TAFA1: variants seen among roughly 807,000 people sequenced by gnomAD.
The protein encoded by TAFA1 is TAFA chemokine like family member 1.
A neutral mutation model predicts 18.5 loss-of-function variants in TAFA1; 4 were observed. The observed-to-expected ratio is 0.22, with a 90% confidence interval of 0.11 to 0.49. The LOEUF (loss-of-function observed/expected upper bound fraction) is 0.49. TAFA1 is among the 20% of genes least tolerant of loss of function. The pLI, the probability that TAFA1 is intolerant of heterozygous loss-of-function variation, is 0.98. For synonymous variants in TAFA1, 56 were observed against 55.2 expected (o/e 1.01, Z -0.06); for missense variants, 147 against 169.0 (o/e 0.87, Z 0.72).
At chr3:68,186,454 G>A (rs2066273076) in intron 2 of TAFA1, among the ~76,000 whole-genome samples, 1 of 152,040 alleles carries the variant, frequency 6.6e-6, no homozygotes, top group Admixed American at 6.6e-5. Flanking sequence ...TGTAATAATA[G>A]ATCATTGAAT....
At chr3:68,524,986 T>G (rs2073086713) in intron 3 of TAFA1, among the ~76,000 whole-genome samples, 1 of 152,192 alleles carries the variant, frequency 6.6e-6, no homozygotes, top group Non-Finnish European at 1.5e-5. Context: ...TAGGTTTTAT[T>G]GTTGAACTTT....
intron 3 of TAFA1, among the ~76,000 whole-genome samples, chr3:68,478,346 C>T (rs139299006): frequency 1.3e-5 from 2 of 152,180 alleles, no homozygotes; most frequent in Admixed American, 1.3e-4. Context: ...AATGAGAGAT[C>T]TGGAAGACTT....
chr3:68,467,018 T>C (rs1215907834), intron 3 of TAFA1, among the ~76,000 whole-genome samples: 1 of 152,124 alleles, frequency 6.6e-6, no homozygotes, highest in Non-Finnish European at 1.5e-5. Context: ...ATTATTAATA[T>C]TCCTTACTGG....
intron 2 of TAFA1, among the ~76,000 whole-genome samples, chr3:68,160,172 G>T (rs1399774807): frequency 6.6e-6 from 1 of 152,196 alleles, no homozygotes; most frequent in African/African-American, 2.4e-5. Flanking sequence ...GAAGTAACTT[G>T]CCAGATAGCT....
chr3:68,192,517 T>C (rs759820685), intron 2 of TAFA1: 6 of 183,792 alleles, frequency 3.3e-5, no homozygotes, highest in Non-Finnish European at 6.1e-5. Flanking sequence ...GGAATCTGAA[T>C]TTGACAGGAG....
intron 3 of TAFA1, among the ~76,000 whole-genome samples, chr3:68,421,658 T>G (rs931256776): frequency 2.0e-5 from 3 of 152,106 alleles, no homozygotes; most frequent in African/African-American, 7.2e-5. Context: ...ATCTGTAAAA[T>G]AGGGATTATA....
intron 2 of TAFA1, among the ~76,000 whole-genome samples, chr3:68,196,638 CT>C (rs1299510457): frequency 1.3e-5 from 2 of 151,654 alleles, no homozygotes; most frequent in African/African-American, 4.8e-5. Context: ...CTCTATTTTT[CT>C]GTGTTATATT....
At chr3:68,418,556 A>C (rs1047672364) in intron 3 of TAFA1, among the ~76,000 whole-genome samples, 2 of 151,864 alleles carry the variant, frequency 1.3e-5, no homozygotes, top group African/African-American at 4.8e-5. Flanking sequence ...TTCTTTTGTG[A>C]TTCTTCAGTT....
At chr3:68,079,440 A>G (rs754538751) in intron 2 of TAFA1, among the ~76,000 whole-genome samples, 145 of 151,808 alleles carry the variant, frequency 9.6e-4, no homozygotes, top group African/African-American at 3.4e-3. Context: ...GCTTTCTCTT[A>G]TGGGCATTTA....
chr3:68,056,576 A>G (rs1006287885), intron 2 of TAFA1, among the ~76,000 whole-genome samples: 25 of 152,312 alleles, frequency 1.6e-4, no homozygotes, highest in African/African-American at 6.0e-4. Flanking sequence ...TAAAAGAAAC[A>G]TTATTAAGCC....
chr3:68,021,212 A>AAAG (rs151201268), intron 2 of TAFA1, among the ~76,000 whole-genome samples: 2 of 148,218 alleles, frequency 1.3e-5, no homozygotes, highest in Non-Finnish European at 3.0e-5. Context: ...AAAAAAAAAA[A>AAAG]GTAGTTTAGT....
rs1308830714 is a variant in TAFA1, at chr3:68,380,487, G to A, written c.119-36793G>A. 3.9e-5 allele frequency among the ~76,000 whole-genome samples: 6 copies of A among 152,278 alleles called. 1 individual carries two copies. In the South Asian group the frequency reaches 1.0e-3, roughly 26 times the overall value. On this transcript the variant is annotated intron_variant, in intron 2 of 4. Coordinates refer to ENST00000478136, the MANE Select transcript of TAFA1 (RefSeq NM_213609.4). ...AACTGGTGTGTGATGGTATCTCATT[G>A]TGGTTTTGATTTGCATTTCTCTGAT...
chr3:68,201,306 T>C (rs78188974), intron 2 of TAFA1, among the ~76,000 whole-genome samples: 6,081 of 151,816 alleles, frequency 0.04, 389 homozygotes, highest in African/African-American at 0.14. Context: ...GCATGTGGCA[T>C]ATCTTTGTGA....
At chr3:68,288,288 C>T (rs1257231220) in intron 2 of TAFA1, among the ~76,000 whole-genome samples, 1 of 152,104 alleles carries the variant, frequency 6.6e-6, no homozygotes, top group Non-Finnish European at 1.5e-5. Flanking sequence ...GCCATAGGCG[C>T]AAAAAGAACA....
intron 2 of TAFA1, among the ~76,000 whole-genome samples, chr3:68,399,245 T>G (rs1427223676): frequency 6.6e-6 from 1 of 152,166 alleles, no homozygotes; most frequent in Non-Finnish European, 1.5e-5. Context: ...GCTCAAAGAG[T>G]TTAAGAAATG....
At chr3:68,173,098 G>A (rs2066078402) in intron 2 of TAFA1, among the ~76,000 whole-genome samples, 1 of 151,816 alleles carries the variant, frequency 6.6e-6, no homozygotes, top group Admixed American at 6.6e-5. Flanking sequence ...GTACAAAAAA[G>A]TATCCCATAA....
intron 2 of TAFA1, among the ~76,000 whole-genome samples, chr3:68,363,276 C>T (rs922648072): frequency 1.3e-5 from 2 of 152,038 alleles, no homozygotes; most frequent in Non-Finnish European, 2.9e-5. Flanking sequence ...GAGAGCGGCA[C>T]ACATGAAAAT....
intron 3 of TAFA1, among the ~76,000 whole-genome samples, chr3:68,526,153 T>C (rs1200493683): frequency 6.6e-6 from 1 of 152,222 alleles, no homozygotes; most frequent in Non-Finnish European, 1.5e-5. Flanking sequence ...GCATGCTCTG[T>C]AGTTTCTCCC....
chr3:68,148,176 CTTG>C (rs1395078098), intron 2 of TAFA1, among the ~76,000 whole-genome samples: 13 of 152,228 alleles, frequency 8.5e-5, no homozygotes, highest in Admixed American at 3.9e-4. Context: ...TCATAGATTA[CTTG>C]TTGTTTTTTG....
Sources: allele counts gnomAD v4.1 joint callset (sites outside exome capture counted in the v4.1 genomes callset), GRCh38; gene constraint gnomAD v4.1.1; transcripts MANE v1.5; gene names NCBI Gene and HGNC (gene_info 2026-07-23, HGNC 2026-07-21).